The following DYNC2I2 variants were observed in gnomAD, a reference collection of about 807,000 sequenced individuals.
DYNC2I2 encodes dynein 2 intermediate chain 2, also known as cytoplasmic dynein 2 intermediate chain 2.
A neutral mutation model predicts 52.0 loss-of-function variants in DYNC2I2; 39 were observed. The ratio of observed to expected loss-of-function variants is 0.75; its 90% CI spans 0.58 to 0.98. The LOEUF (loss-of-function observed/expected upper bound fraction) is 0.98, where lower values mean the gene tolerates loss of function less well. Ranked by LOEUF, DYNC2I2 falls within the 50% of genes least tolerant of loss-of-function variation. The probability of loss-of-function intolerance (pLI) is 0.00; values close to 1 mark genes in which losing one functional copy is unlikely to be tolerated. For synonymous variants in DYNC2I2, 359 were observed against 321.1 expected, an observed-to-expected ratio of 1.12 and a Z score of -1.26; for missense variants, 743 against 728.4, an observed-to-expected ratio of 1.02 and a Z score of -0.23.
chr9:128,636,436 AGCC>A lies in DYNC2I2; in HGVS notation c.546-1_547del, dbSNP rs780283055. 22 of 1,602,432 alleles carry A rather than the reference AGCC, an allele frequency of 1.4e-5. No individual in the cohort carries two copies. The South Asian group carries it at 2.2e-4, about 16-fold the overall frequency. ...AAGCGTGCTCCAGTCCCCATGGTCC[AGCC>A]TGTGCAGGGACAGGCTTGAGCCGGC... On this transcript the variant is annotated splice_acceptor_variant and coding_sequence_variant, in exon 4 of 9. Transcript: ENST00000372715. LOFTEE classifies it high-confidence loss of function.
rs1860237724 is a variant in DYNC2I2, at chr9:128,633,793, G to A, written c.1562C>T (p.Pro521Leu). The A allele has an allele frequency of 1.9e-6, 3 of 1,613,432 alleles. No homozygotes were observed. The highest frequency in any genetic ancestry group is 1.3e-5 in the African/African-American group (1 of 74,910). Residue 521 changes from proline (P) to leucine (L), a missense_variant, in exon 9 of 9, where the codon CCC becomes CTC. By Grantham distance (98) the Pro-to-Leu change is moderately conservative. Transcript: ENST00000372715. ...QLSTEFTEQG[P>L]REAEDLDCLA... is the part of the protein sequence containing the mutation. ...GCAGTCCAGGTCCTCAGCTTCCCGG[G>A]GCCCTTGTTCCGTGAACTCTGTGCT...
At chr9:128,681,660 G>T in the DYNC2I2 span, among the ~76,000 whole-genome samples, 1 of 152,172 alleles carries the variant, frequency 6.6e-6, no homozygotes, top group African/African-American at 2.4e-5. Context: ...TTCCACCTTA[G>T]TTGTACCAAT....
intron 1 of DYNC2I2, among the ~76,000 whole-genome samples, chr9:128,655,459 A>T (rs555622154): frequency 2.3e-3 from 322 of 142,346 alleles, no homozygotes; most frequent in African/African-American, 8.1e-3. Context: ...TGCAGTGAGC[A>T]GAGATCGCGC....
At chr9:128,665,050 CT>C in the DYNC2I2 span, among the ~76,000 whole-genome samples, 21 of 149,180 alleles carry the variant, frequency 1.4e-4, no homozygotes, top group East Asian at 1.6e-3. Flanking sequence ...TTTTCTTTTT[CT>C]TTTTCTTTTT....
In DYNC2I2 at chr9:128,640,820, C is replaced by T; in HGVS notation, c.306G>A (p.Gln102=). The change falls in exon 2 of 9, where the codon CAG becomes CAA. Residue 102 remains glutamine, a synonymous_variant. Transcript: ENST00000372715. ...AGGCTGCGAGCCTGGGTATGTCATA[C>T]TGGGACGGGGGCTGCACGCTGACAG... ...PVPVSVQPPS[Q]YDIPRLAAFL... 3 of 1,614,142 alleles carry T rather than the reference C, an allele frequency of 1.9e-6. No individual in the cohort carries two copies. The highest frequency in any genetic ancestry group is 2.2e-5 in the South Asian group (2 of 91,082).
At position 128,633,699 on chromosome 9, in the gene DYNC2I2, C is replaced by A. The variant is rs1860219910; in HGVS notation, c.*45G>T. 7.0e-6 allele frequency: 11 copies of A among 1,565,968 alleles called. No individual in the cohort carries two copies. The highest frequency in any genetic ancestry group is 4.1e-5 in the African/African-American group (3 of 73,448). ...CTTCATTTGGCTTGCGTCAGAAACACAAGGCTCGGCACAGCGAAGGCTTGC... is the reference window on the plus strand; with the variant it reads ...CTTCATTTGGCTTGCGTCAGAAACAAAAGGCTCGGCACAGCGAAGGCTTGC... On this transcript the variant is annotated 3_prime_UTR_variant, in exon 9 of 9. Transcript: ENST00000372715.
At chr9:128,665,181 T>C in the DYNC2I2 span, among the ~76,000 whole-genome samples, 1 of 151,404 alleles carries the variant, frequency 6.6e-6, no homozygotes, top group East Asian at 2.0e-4. Context: ...GCCTCCTGAG[T>C]AGCTGGGATT....
At chr9:128,681,450 C>G in the DYNC2I2 span, among the ~76,000 whole-genome samples, 1 of 152,176 alleles carries the variant, frequency 6.6e-6, no homozygotes, top group African/African-American at 2.4e-5. Flanking sequence ...TGTATTCATT[C>G]TACCTTGGAC....
At chr9:128,679,536 T>C in the DYNC2I2 span, among the ~76,000 whole-genome samples, 1 of 152,180 alleles carries the variant, frequency 6.6e-6, no homozygotes, top group Non-Finnish European at 1.5e-5. Context: ...CAATCATAGC[T>C]CACTGTAGCC....
intron 1 of DYNC2I2, among the ~76,000 whole-genome samples, chr9:128,652,664 A>C (rs1860739905): frequency 6.7e-6 from 1 of 149,202 alleles, no homozygotes; most frequent in Non-Finnish European, 1.5e-5. Flanking sequence ...TCACTCCTGT[A>C]ATCCCAGCAC....
At chr9:128,680,124 GA>G in the DYNC2I2 span, among the ~76,000 whole-genome samples, 2 of 151,664 alleles carry the variant, frequency 1.3e-5, no homozygotes, top group South Asian at 4.1e-4. Flanking sequence ...GCAATGGTGT[GA>G]CCTCGGCTCA....
upstream of DYNC2I2, among the ~76,000 whole-genome samples, chr9:128,658,475 T>C (rs1227449008): frequency 6.6e-6 from 1 of 151,736 alleles, no homozygotes; most frequent in East Asian, 1.9e-4. Flanking sequence ...TGTTTGTTTT[T>C]TTTTGAGACA....
At chr9:128,654,853 C>G (rs1261853619) in intron 1 of DYNC2I2, among the ~76,000 whole-genome samples, 1 of 152,190 alleles carries the variant, frequency 6.6e-6, no homozygotes, top group East Asian at 1.9e-4. Flanking sequence ...CCTCTCAATC[C>G]CCAACCCAGT....
upstream of DYNC2I2, chr9:128,656,879 G>A: frequency 1.3e-6 from 1 of 780,544 alleles, no homozygotes; most frequent in South Asian, 2.8e-5. Flanking sequence ...GAAAAGTAAC[G>A]ATTCTTCTCG....
the DYNC2I2 span, among the ~76,000 whole-genome samples, chr9:128,666,236 C>T: frequency 6.6e-3 from 951 of 144,250 alleles, 11 homozygotes; most frequent in African/African-American, 0.023. Context: ...GTTAGCCGGG[C>T]GTGGGCATGG....
chr9:128,669,235 T>G, the DYNC2I2 span, among the ~76,000 whole-genome samples: 23 of 151,772 alleles, frequency 1.5e-4, no homozygotes, highest in African/African-American at 3.1e-4. Flanking sequence ...CGTGGTGGCA[T>G]GCGCCTGTAG....
At chr9:128,634,659 C>T (rs1860333097) in intron 7 of DYNC2I2, 30 bp downstream of exon 7, 2 of 1,495,928 alleles carry the variant, frequency 1.3e-6, no homozygotes, top group Non-Finnish European at 9.0e-7. Flanking sequence ...ACACCCTGGC[C>T]CCACTGTGCC....
the DYNC2I2 span, among the ~76,000 whole-genome samples, chr9:128,665,286 C>T: frequency 1.3e-5 from 2 of 151,394 alleles, no homozygotes; most frequent in Non-Finnish European, 1.5e-5. Flanking sequence ...CTCCTGACCT[C>T]GTGTTCCACC....
intron 2 of DYNC2I2, among the ~76,000 whole-genome samples, chr9:128,639,549 CTG>C (rs753298574): frequency 3.9e-5 from 6 of 152,144 alleles, no homozygotes; most frequent in Non-Finnish European, 8.8e-5. Flanking sequence ...ACCAGAGAGA[CTG>C]GGGTTCAAGT....
Sources: allele counts gnomAD v4.1 joint callset (sites outside exome capture counted in the v4.1 genomes callset), GRCh38; gene constraint gnomAD v4.1.1; transcripts MANE v1.5; gene names NCBI Gene and HGNC (gene_info 2026-07-23, HGNC 2026-07-21).